Variants in CCAR1 observed in about 807,000 individuals in gnomAD.
CCAR1 encodes cell division cycle and apoptosis regulator protein 1.
CCAR1 carries 78 observed loss-of-function variants against 163.8 expected under a neutral mutation model. The observed-to-expected ratio is 0.48, with a 90% CI of 0.40 to 0.57. The LOEUF (loss-of-function observed/expected upper bound fraction) is 0.57, where lower values mean the gene tolerates loss of function less well. Among genes scored for constraint, CCAR1 ranks in the 20% least tolerant of loss-of-function variants. CCAR1 has a pLI of 0.00. For synonymous variants in CCAR1, 443 were observed against 460.7 expected (o/e 0.96, Z 0.49); for missense variants, 1,019 against 1,365.2 (o/e 0.75, Z 4.00).
chr10:68,721,437 G>A, intron 1 of CCAR1, 155 bp downstream of exon 1: 1 of 308,540 alleles, frequency 3.2e-6, no homozygotes. Flanking sequence ...GGACGGGAGG[G>A]ACGCGGTCCC....
chr10:68,755,035 A>G, intron 12 of CCAR1: 1 of 590,266 alleles, frequency 1.7e-6, no homozygotes, highest in East Asian at 2.8e-5. Context: ...TTCAACAGTC[A>G]TTTTGATGTT....
At chr10:68,765,689 G>A (rs1589178613) in intron 16 of CCAR1, among the ~76,000 whole-genome samples, 199 bp from the exon 17 acceptor site, 1 of 152,118 alleles carries the variant, frequency 6.6e-6, no homozygotes, top group Non-Finnish European at 1.5e-5. Flanking sequence ...AGAGTTAGGA[G>A]CCATCAAAGC....
At chr10:68,734,996 A>C (rs2056090167) in intron 2 of CCAR1, among the ~76,000 whole-genome samples, 1 of 152,178 alleles carries the variant, frequency 6.6e-6, no homozygotes, top group Non-Finnish European at 1.5e-5. Flanking sequence ...TTATCATTTT[A>C]AGTCACTACA....
intron 19 of CCAR1, among the ~76,000 whole-genome samples, chr10:68,773,321 A>G (rs1372085062): frequency 6.6e-6 from 1 of 152,082 alleles, no homozygotes; most frequent in Non-Finnish European, 1.5e-5. Flanking sequence ...TTAATACTCA[A>G]TTTGGCGGAA....
rs1377627869 is a variant in CCAR1, at chr10:68,787,936, C to T, written c.2890C>T (p.Leu964Phe). The change falls in exon 22 of 25, where the codon CTT becomes TTT. Residue 964 changes from leucine to phenylalanine, a missense_variant. By Grantham distance (22) the Leu-to-Phe change is conservative. Transcript: ENST00000265872. ...LHLSRAQVKK[L>F]LNKVVLRESC... ...CTTGCATGCATAACAGGTAAAGAAG[C>T]TTCTTAATAAAGTAGTGCTCCGTGA... 1.9e-6 allele frequency: 3 copies of T among 1,604,838 alleles called. No homozygotes were observed. Among genetic ancestry groups the T allele is most frequent in the African/African-American group, 1.3e-5 (1 of 74,376 alleles).
chr10:68,755,417 C>T lies in CCAR1; in HGVS notation c.1506C>T (p.Gly502=), dbSNP rs769693770. Residue 502 remains glycine (G), a synonymous_variant, in exon 13 of 25, where the codon GGC becomes GGT. Transcript: ENST00000265872. The part of the protein sequence containing the change: ...KGKDEAMAIG[G]HWSPSLDGPD... ...AGGATGAAGCTATGGCCATTGGAGG[C>T]CACTGGTCTCCTTCGTTGGATGGAC... The T allele has an allele frequency of 6.2e-7, 1 of 1,614,070 alleles. No individual in the cohort carries two copies. The highest frequency in any genetic ancestry group is 1.1e-5 in the South Asian group (1 of 91,076).
intron 19 of CCAR1, among the ~76,000 whole-genome samples, chr10:68,775,667 G>A (rs1166771073): frequency 3.0e-5 from 4 of 134,704 alleles, no homozygotes; most frequent in Non-Finnish European, 6.2e-5. Flanking sequence ...TTGCCACCAC[G>A]CCCAGCTAAT....
chr10:68,759,734 C>A (rs1383281261), intron 15 of CCAR1, among the ~76,000 whole-genome samples: 4 of 151,852 alleles, frequency 2.6e-5, no homozygotes. Context: ...CAGAGCAAGA[C>A]CCTGCCTCAA....
In CCAR1 at chr10:68,746,371, G is replaced by C. The variant is rs147495875; in HGVS notation, c.519-790G>C. On this transcript the variant is annotated intron_variant, in intron 6 of 24. Coordinates refer to ENST00000265872, the MANE Select transcript of CCAR1 (RefSeq NM_018237.4). ...GGCTCACTGCAACCTCCGCCTCTCGGGTACAGGCGATTCGCACCCGGCTAA... is the reference window on the plus strand; with the variant it reads ...GGCTCACTGCAACCTCCGCCTCTCGCGTACAGGCGATTCGCACCCGGCTAA... 6.0e-3 allele frequency among the ~76,000 whole-genome samples: 916 copies of C among 152,078 alleles called. 6 individuals carry two copies. Among genetic ancestry groups the C allele is most frequent in the African/African-American group, 0.021 (874 of 41,490 alleles).
intron 2 of CCAR1, among the ~76,000 whole-genome samples, chr10:68,735,408 G>A (rs2056096349): frequency 7.6e-6 from 1 of 130,822 alleles, no homozygotes; most frequent in Non-Finnish European, 1.6e-5. Flanking sequence ...TTGAGAGGTA[G>A]AGTTTTACTC....
chr10:68,789,792 TAGTC>T lies in CCAR1; in HGVS notation c.3274_3277del (p.Gln1092TyrfsTer5). The T allele has an allele frequency of 1.9e-6, 3 of 1,607,540 alleles. No individual in the cohort carries two copies. Among genetic ancestry groups the T allele is most frequent in the Non-Finnish European group, 2.5e-6 (3 of 1,177,158 alleles). ...AACTCAGAGAAGTTAAAAAGGACCTTAGTCAGTTACAAGAAAACTTAAAGATTTC... is the reference window on the plus strand; with the variant it reads ...AACTCAGAGAAGTTAAAAAGGACCTTAGTTACAAGAAAACTTAAAGATTTC... On this transcript the variant is annotated frameshift_variant, in exon 24 of 25. Transcript: ENST00000265872. LOFTEE classifies it high-confidence loss of function.
At chr10:68,730,339 A>G (rs939258423) in intron 2 of CCAR1, among the ~76,000 whole-genome samples, 9 of 149,274 alleles carry the variant, frequency 6.0e-5, no homozygotes, top group Non-Finnish European at 1.0e-4. Flanking sequence ...ATATATATAT[A>G]TATATATTTA....
chr10:68,754,363 T>C (rs2056373009), intron 11 of CCAR1, among the ~76,000 whole-genome samples: 1 of 152,244 alleles, frequency 6.6e-6, no homozygotes, highest in South Asian at 2.1e-4. Flanking sequence ...TCTGGTAGCC[T>C]CAGATAAAAC....
chr10:68,788,833 C>T (rs1399210160), intron 23 of CCAR1, among the ~76,000 whole-genome samples: 1 of 151,936 alleles, frequency 6.6e-6, no homozygotes, highest in East Asian at 1.9e-4. Context: ...AATTGCTTAG[C>T]TTTATCTGAA....
chr10:68,751,986 G>C (rs1447040613), intron 10 of CCAR1, among the ~76,000 whole-genome samples: 3 of 142,186 alleles, frequency 2.1e-5, no homozygotes, highest in Non-Finnish European at 4.5e-5. Flanking sequence ...GCTCAATCTC[G>C]GCCCACTGCA....
At chr10:68,753,317 G>C (rs992848067) in intron 10 of CCAR1, among the ~76,000 whole-genome samples, 2 of 152,148 alleles carry the variant, frequency 1.3e-5, no homozygotes, top group Non-Finnish European at 2.9e-5. Context: ...TTGTGGAGGT[G>C]CAGATAATCC....
Position 68,761,028 on chromosome 10 carries a change from T to A in CCAR1, c.1942T>A (p.Leu648Ile). The change falls in exon 16 of 25, where the codon TTA becomes ATA. Residue 648 changes from leucine to isoleucine, a missense_variant. Leu to Ile is a conservative substitution (Grantham distance 5). Transcript: ENST00000265872. ...TCAGGTAAATGACCTCCGAAAAGAA[T>A]TAGAAAGTCGAGCTCTTAGTTCCAA... The part of the protein sequence containing the change: ...TMKVNDLRKE[L>I]ESRALSSKGL... The A allele has an allele frequency of 6.9e-7, 1 of 1,451,298 alleles. No individual in the cohort carries two copies. The highest frequency in any genetic ancestry group is 9.1e-7 in the Non-Finnish European group (1 of 1,094,624). 89.9% of individuals were successfully genotyped at this position (1,451,298 alleles called of 1,614,324 possible). A position where few individuals can be genotyped will look rare whatever the true frequency, so the allele number is the denominator to read the frequency against.
At chr10:68,741,867 CTTGAA>C (rs2056188470) in intron 5 of CCAR1, among the ~76,000 whole-genome samples, 1 of 152,136 alleles carries the variant, frequency 6.6e-6, no homozygotes, top group South Asian at 2.1e-4. Context: ...TAAAAATATA[CTTGAA>C]TTGAGAAATC....
chr10:68,789,773 G>T lies in CCAR1; in HGVS notation c.3251G>T (p.Arg1084Ile). 1 of 1,607,918 alleles carries T rather than the reference G, an allele frequency of 6.2e-7. No homozygotes were observed. ...NSNKSLSGEL[R>I]EVKKDLSQLQ... is the part of the protein sequence containing the mutation. ...AACAAAAGCCTCTCTGGTGAACTCAGAGAAGTTAAAAAGGACCTTAGTCAG... is the reference window on the plus strand; with the variant it reads ...AACAAAAGCCTCTCTGGTGAACTCATAGAAGTTAAAAAGGACCTTAGTCAG... Residue 1084 changes from arginine to isoleucine, a missense_variant, in exon 24 of 25, where the codon AGA becomes ATA. Transcript: ENST00000265872.
Sources: gnomAD v4.1 joint callset for allele counts (sites outside exome capture counted in the v4.1 genomes callset) on GRCh38, gnomAD v4.1.1 for gene constraint, MANE v1.5 for transcripts, NCBI Gene and HGNC (gene_info 2026-07-23, HGNC 2026-07-21) for gene names.